The following PIEZO2 variants were observed in gnomAD, a reference collection of about 807,000 sequenced individuals.
PIEZO2 encodes the protein piezo-type mechanosensitive ion channel component 2.
Under a neutral mutation model 337.3 loss-of-function variants are expected in PIEZO2, and 172 were observed. The observed-to-expected ratio is 0.51, with a 90% CI of 0.45 to 0.58. The LOEUF is 0.58. Among genes scored for constraint, PIEZO2 ranks in the 20% least tolerant of loss-of-function variants. PIEZO2 has a pLI of 0.00. For missense variants in PIEZO2, 3,028 were observed against 3,391.3 expected, an observed-to-expected ratio of 0.89 and a Z score of 2.66; for synonymous variants, 1,251 against 1,228.5, an observed-to-expected ratio of 1.02 and a Z score of -0.38.
chr18:10,831,212 G>C (rs942003996), intron 7 of PIEZO2, among the ~76,000 whole-genome samples: 3 of 152,192 alleles, frequency 2.0e-5, no homozygotes, highest in African/African-American at 7.2e-5. Context: ...GTATATCGAA[G>C]AGATCTGAAC....
intron 20 of PIEZO2, among the ~76,000 whole-genome samples, chr18:10,771,155 TG>T (rs547957050): frequency 3.2e-4 from 48 of 152,262 alleles, no homozygotes; most frequent in Non-Finnish European, 6.3e-4. Context: ...ATAAATGGCC[TG>T]TCTCCTTCGA....
intron 1 of PIEZO2, among the ~76,000 whole-genome samples, chr18:11,086,558 A>T (rs1246996036): frequency 6.6e-6 from 1 of 152,220 alleles, no homozygotes; most frequent in East Asian, 1.9e-4. Flanking sequence ...AAACAGGCTA[A>T]TGAGACTGAT....
intron 7 of PIEZO2, among the ~76,000 whole-genome samples, chr18:10,816,734 T>G (rs1412978822): frequency 1.3e-5 from 2 of 152,156 alleles, no homozygotes; most frequent in African/African-American, 4.8e-5. Context: ...CGTTTTCAAA[T>G]GAATATGTAA....
intron 3 of PIEZO2, among the ~76,000 whole-genome samples, chr18:10,933,194 T>A (rs890801476): frequency 3.3e-5 from 5 of 152,198 alleles, no homozygotes; most frequent in Non-Finnish European, 7.4e-5. Flanking sequence ...TTCACATATT[T>A]ACCAATTTAA....
At chr18:10,809,006 G>C (rs2040089821) in intron 7 of PIEZO2, among the ~76,000 whole-genome samples, 1 of 152,014 alleles carries the variant, frequency 6.6e-6, no homozygotes, top group South Asian at 2.1e-4. Context: ...TGTAGCTGTT[G>C]GTAAAGCGAA....
At chr18:10,691,410 A>C in intron 47 of PIEZO2, 27 bp from the exon 48 acceptor site, 1 of 1,605,314 alleles carries the variant, frequency 6.2e-7, no homozygotes, top group South Asian at 1.1e-5. Flanking sequence ...CAGAAAGTGA[A>C]GCAATGAAAT....
chr18:10,709,688 T>A (rs2035738564), intron 39 of PIEZO2: 1 of 152,242 alleles, frequency 6.6e-6, no homozygotes, highest in South Asian at 2.1e-4. Context: ...TATTCACTCA[T>A]GGAACCTGTT....
intron 2 of PIEZO2, among the ~76,000 whole-genome samples, chr18:11,041,501 G>A (rs563229403): frequency 4.6e-5 from 7 of 152,282 alleles, no homozygotes; most frequent in Non-Finnish European, 7.3e-5. Context: ...ACTCCACACA[G>A]TCACTTTCAT....
At chr18:10,931,912 TG>T (rs532246920) in intron 3 of PIEZO2, among the ~76,000 whole-genome samples, 71 of 152,224 alleles carry the variant, frequency 4.7e-4, no homozygotes, top group Non-Finnish European at 9.4e-4. Context: ...AGTATGTTTC[TG>T]TCTTTTTTGG....
At chr18:10,734,329 C>G (rs2036908716) in intron 35 of PIEZO2, among the ~76,000 whole-genome samples, 2 of 152,200 alleles carry the variant, frequency 1.3e-5, no homozygotes, top group South Asian at 4.1e-4. Context: ...TGGTGCTACT[C>G]AAGGCCCAGC....
chr18:10,774,519 T>G (rs1473811738), intron 18 of PIEZO2, among the ~76,000 whole-genome samples: 1 of 152,178 alleles, frequency 6.6e-6, no homozygotes, highest in African/African-American at 2.4e-5. Flanking sequence ...TGAGAGTTAC[T>G]GATGCGAACT....
At chr18:11,058,520 A>C (rs2037813479) in intron 2 of PIEZO2, among the ~76,000 whole-genome samples, 1 of 152,034 alleles carries the variant, frequency 6.6e-6, no homozygotes, top group South Asian at 2.1e-4. Flanking sequence ...GAAGTTAAAA[A>C]CCTTGAAAAA....
At chr18:10,754,626 C>A (rs371675904) in intron 27 of PIEZO2, among the ~76,000 whole-genome samples, 2 of 152,134 alleles carry the variant, frequency 1.3e-5, no homozygotes, top group Non-Finnish European at 2.9e-5. Context: ...AAATATTGGG[C>A]TGGACTGATT....
In PIEZO2 at chr18:10,969,836, A is replaced by G. The variant is rs971454163; in HGVS notation, c.286+9699T>C. ...TTACTTGCAGGTCCAGCAGGTGAGG[A>G]CACCACCGAGAATCGGTCACAAAAC... is the stretch of plus-strand genomic sequence containing the variant. On this transcript the variant is annotated intron_variant, in intron 3 of 55. Coordinates refer to ENST00000674853, the MANE Select transcript of PIEZO2 (RefSeq NM_001378183.1). This position sits in a 1 kb window ranked among gnomAD's most constrained non-coding sequence, Gnocchi z 4.5. Among the ~76,000 whole-genome samples the G allele has an allele frequency of 6.7e-5, 10 of 148,882 alleles. No individual in the cohort carries two copies. The highest frequency in any genetic ancestry group is 2.5e-4 in the African/African-American group (10 of 40,164).
intron 21 of PIEZO2, among the ~76,000 whole-genome samples, chr18:10,765,670 G>A (rs2038321550): frequency 6.6e-6 from 1 of 152,180 alleles, no homozygotes; most frequent in African/African-American, 2.4e-5. Context: ...CTGTCAGGTG[G>A]AAACAGGGGC....
intron 48 of PIEZO2, among the ~76,000 whole-genome samples, chr18:10,690,515 T>C (rs2034765823): frequency 6.6e-6 from 1 of 152,146 alleles, no homozygotes; most frequent in Non-Finnish European, 1.5e-5. Flanking sequence ...ATCCAATCCC[T>C]GGAAGCAACA....
rs542596520 is a variant in PIEZO2, at chr18:10,828,516, G to A, written c.918-21242C>T. 2.0e-5 allele frequency among the ~76,000 whole-genome samples: 3 copies of A among 152,242 alleles called. No individual in the cohort carries two copies. Among genetic ancestry groups the A allele is most frequent in the South Asian group, 4.2e-4 (2 of 4,818 alleles). On this transcript the variant is annotated intron_variant, in intron 7 of 55. Transcript: ENST00000674853. The surrounding 1 kb of genome is among the most constrained non-coding windows in gnomAD (Gnocchi z 4.1). ...TAAATGACCCTGGAAAAAACTGAAAGTAGAAGGTAAAATATACATAAAGGT... is the reference window on the plus strand; with the variant it reads ...TAAATGACCCTGGAAAAAACTGAAAATAGAAGGTAAAATATACATAAAGGT...
intron 41 of PIEZO2, 58 bp downstream of exon 41, chr18:10,705,278 C>T (rs2035528839): frequency 2.1e-6 from 3 of 1,447,488 alleles, no homozygotes; most frequent in South Asian, 1.4e-5. Flanking sequence ...AGAATTAGGG[C>T]ATTATGTTTA....
chr18:10,788,428 AAGGAAGG>A (rs1268841042), intron 15 of PIEZO2, among the ~76,000 whole-genome samples: 35 of 21,026 alleles, frequency 1.7e-3, no homozygotes, highest in Admixed American at 2.7e-3. Flanking sequence ...AAAAGAAAGA[AAGGAAGG>A]AAGGAAGGAA....
Sources: gnomAD v4.1 joint callset for allele counts (sites outside exome capture counted in the v4.1 genomes callset) on GRCh38, gnomAD v4.1.1 for gene constraint, Gnocchi (gnomAD v3.1) non-coding constraint, MANE v1.5 for transcripts, NCBI Gene and HGNC (gene_info 2026-07-23, HGNC 2026-07-21) for gene names.